Variants in PPP2R1B observed in about 807,000 individuals in gnomAD.
The protein encoded by PPP2R1B is protein phosphatase 2 scaffold subunit Abeta.
A neutral mutation model predicts 72.7 loss-of-function variants in PPP2R1B; 58 were observed. That is an observed-to-expected ratio of 0.80 (90% CI 0.65 to 0.99). The LOEUF is 0.99. Among genes scored for constraint, PPP2R1B ranks in the 50% least tolerant of loss-of-function variants. The probability of loss-of-function intolerance (pLI) is 0.00; values close to 1 mark genes in which losing one functional copy is unlikely to be tolerated. For missense variants in PPP2R1B, 695 were observed against 733.6 expected (o/e 0.95, Z 0.61); for synonymous variants, 256 against 264.6 (o/e 0.97, Z 0.32).
the PPP2R1B span, among the ~76,000 whole-genome samples, chr11:111,710,244 A>T: frequency 6.6e-6 from 1 of 152,234 alleles, no homozygotes; most frequent in Non-Finnish European, 1.5e-5. Flanking sequence ...AAGTTGTTTA[A>T]CATCAGAAGT....
intron 11 of PPP2R1B, among the ~76,000 whole-genome samples, chr11:111,744,453 C>A (rs1023303583): frequency 2.0e-5 from 3 of 152,154 alleles, no homozygotes; most frequent in African/African-American, 7.2e-5. Context: ...TTCCCTATAT[C>A]CTTTGATCAT....
intron 14 of PPP2R1B, among the ~76,000 whole-genome samples, 200 bp from the exon 15 acceptor site, chr11:111,741,812 A>C (rs941294043): frequency 6.6e-5 from 10 of 152,260 alleles, no homozygotes; most frequent in Non-Finnish European, 1.5e-4. Flanking sequence ...TATTCTTACC[A>C]GTGAGAATCG....
chr11:111,723,938 C>G (rs767803933), downstream of PPP2R1B: 2 of 1,614,108 alleles, frequency 1.2e-6, no homozygotes, highest in Admixed American at 1.7e-5. Context: ...CTATCCCACT[C>G]CCTGTCAGTA....
chr11:111,731,234 A>G (rs368001454), intron 15 of PPP2R1B, among the ~76,000 whole-genome samples: 46 of 152,328 alleles, frequency 3.0e-4, no homozygotes, highest in African/African-American at 1.1e-3. Flanking sequence ...GGGGAGGCAG[A>G]TGCAGGGGTC....
chr11:111,744,328 A>G (rs1364578284), intron 11 of PPP2R1B, among the ~76,000 whole-genome samples: 2 of 152,184 alleles, frequency 1.3e-5, no homozygotes, highest in Non-Finnish European at 2.9e-5. Flanking sequence ...GTGGTCATCT[A>G]TACAACAGCA....
chr11:111,731,074 C>T (rs551467190), intron 15 of PPP2R1B, among the ~76,000 whole-genome samples: 1 of 152,368 alleles, frequency 6.6e-6, no homozygotes, highest in African/African-American at 2.4e-5. Context: ...CGCTGCAGAT[C>T]GCTGACGGAA....
In PPP2R1B at chr11:111,741,524, C is replaced by A; in HGVS notation, c.*72G>T. On this transcript the variant is annotated 3_prime_UTR_variant, in exon 15 of 15. Coordinates refer to ENST00000527614, the MANE Select transcript of PPP2R1B (RefSeq NM_002716.5). Reference sequence around the variant, plus strand: ...TTGAAGGTTTTCCATTCTTTCTCCACCCAGTTAAGAACACATTGACTAGAA... The same window carrying A: ...TTGAAGGTTTTCCATTCTTTCTCCAACCAGTTAAGAACACATTGACTAGAA... 1 of 1,579,232 alleles carries A rather than the reference C, an allele frequency of 6.3e-7. No individual in the cohort carries two copies. Among genetic ancestry groups the A allele is most frequent in the East Asian group, 2.3e-5 (1 of 44,218 alleles).
intron 11 of PPP2R1B, among the ~76,000 whole-genome samples, chr11:111,747,407 G>A (rs1212773998): frequency 6.6e-6 from 1 of 152,208 alleles, no homozygotes; most frequent in Non-Finnish European, 1.5e-5. Context: ...CAGCAGCAGT[G>A]AGAGTACAAG....
the PPP2R1B span, chr11:111,701,322 C>T: frequency 7.9e-7 from 1 of 1,267,764 alleles, no homozygotes; most frequent in Non-Finnish European, 1.1e-6. The surrounding 1 kb of genome is among the most constrained non-coding windows in gnomAD (Gnocchi z 4.2). Flanking sequence ...TTTTCAAATT[C>T]TGAGAAAATA....
At chr11:111,733,838 G>A (rs1944265112), downstream of PPP2R1B, among the ~76,000 whole-genome samples, 1 of 152,196 alleles carries the variant, frequency 6.6e-6, no homozygotes, top group African/African-American at 2.4e-5. Flanking sequence ...GGGAACCAGG[G>A]ATGAGAGGGC....
At position 111,754,537 on chromosome 11, in the gene PPP2R1B, C is replaced by G. The variant is rs141312730; in HGVS notation, c.991G>C (p.Glu331Gln). ...LGENLPIEDR[E>Q]TIIMNQILPY... ...AGAATTTGATTCATAATTATGGTCTCTCTATCTTCAATGGGCAAGTTCTCA... is the reference window on the plus strand; with the variant it reads ...AGAATTTGATTCATAATTATGGTCTGTCTATCTTCAATGGGCAAGTTCTCA... The change falls in exon 8 of 15, where the codon GAG (glutamate) becomes CAG (glutamine). Residue 331 changes from glutamate to glutamine, a missense_variant. Physicochemically the swap from Glu to Gln is conservative, Grantham distance 29 (BLOSUM62 2). Coordinates refer to ENST00000527614, the MANE Select transcript of PPP2R1B (RefSeq NM_002716.5). 5.6e-6 allele frequency: 9 copies of G among 1,603,710 alleles called. No homozygotes were observed. In the African/African-American group the frequency reaches 1.2e-4, roughly 22 times the overall value.
At chr11:111,758,446 T>C (rs1555050344) in intron 5 of PPP2R1B, among the ~76,000 whole-genome samples, 2 of 151,992 alleles carry the variant, frequency 1.3e-5, no homozygotes, top group Non-Finnish European at 2.9e-5. Context: ...AAAAGTTAGC[T>C]TGGCGTGGTG....
In PPP2R1B at chr11:111,739,347, TA is replaced by T. The variant is rs3216101; in HGVS notation, c.*2248del. On this transcript the variant is annotated 3_prime_UTR_variant, in exon 15 of 15. Transcript: ENST00000527614. ...ACTTTTCCCTTAAGTTTAAGGTAGT[TA>T]AAAAAAAAAATAGGAGAACTAATTC... is the stretch of plus-strand genomic sequence containing the variant. 346,782 of 917,574 alleles carry T rather than the reference TA, an allele frequency of 0.38. 58,192 individuals carry two copies. Among genetic ancestry groups the T allele is most frequent in the East Asian group, 0.62 (5,235 of 8,512 alleles). 56.8% of individuals were successfully genotyped at this position (917,574 alleles called of 1,614,324 possible). A position where few individuals can be genotyped will look rare whatever the true frequency, so the allele number is the denominator to read the frequency against.
At chr11:111,759,629 TAAGA>T (rs1397012232) in intron 5 of PPP2R1B, among the ~76,000 whole-genome samples, 171 bp downstream of exon 5, 1 of 152,188 alleles carries the variant, frequency 6.6e-6, no homozygotes, top group African/African-American at 2.4e-5. Context: ...ATGGTCTGGT[TAAGA>T]AAGAAACATA....
the PPP2R1B span, chr11:111,721,053 C>T: frequency 2.5e-6 from 4 of 1,613,174 alleles, no homozygotes; most frequent in African/African-American, 5.3e-5. Flanking sequence ...TTGCTAGCAG[C>T]TGCCCTCAGG....
chr11:111,725,946 C>G (rs1943950997), downstream of PPP2R1B: 1 of 152,204 alleles, frequency 6.6e-6, no homozygotes, highest in African/African-American at 2.4e-5. Flanking sequence ...TAATAACACA[C>G]AGTGAAAATC....
chr11:111,704,801 A>G, the PPP2R1B span, among the ~76,000 whole-genome samples: 3 of 152,182 alleles, frequency 2.0e-5, no homozygotes, highest in East Asian at 5.8e-4. Flanking sequence ...TATATAATTA[A>G]TACTAGAGAC....
intron 5 of PPP2R1B, among the ~76,000 whole-genome samples, chr11:111,757,724 A>T (rs1194564765): frequency 2.0e-5 from 3 of 151,216 alleles, no homozygotes; most frequent in Non-Finnish European, 4.4e-5. Flanking sequence ...AATTCCAGCT[A>T]CTCAGGAAGC....
intron 3 of PPP2R1B, 98 bp from the exon 4 acceptor site, chr11:111,761,149 C>G (rs782030990): frequency 9.8e-7 from 1 of 1,018,800 alleles, no homozygotes; most frequent in South Asian, 1.4e-5. Context: ...AGGTGGTACA[C>G]GTAACCAGAA....
Sources: gnomAD v4.1 joint callset for allele counts (sites outside exome capture counted in the v4.1 genomes callset) on GRCh38, gnomAD v4.1.1 for gene constraint, Gnocchi (gnomAD v3.1) non-coding constraint, MANE v1.5 for transcripts, NCBI Gene and HGNC (gene_info 2026-07-23, HGNC 2026-07-21) for gene names.